Variants in SORCS2 observed in about 807,000 individuals in gnomAD.
The protein encoded by SORCS2 is sortilin related VPS10 domain containing receptor 2.
Under a neutral mutation model 141.6 loss-of-function variants are expected in SORCS2, and 100 were observed. That is an observed-to-expected ratio of 0.71 (90% CI 0.60 to 0.83). SORCS2 has a LOEUF of 0.83. SORCS2 is among the 40% of genes least tolerant of loss of function. The pLI, the probability that SORCS2 is intolerant of heterozygous loss-of-function variation, is 0.00. For missense variants in SORCS2, 1,646 were observed against 1,560.2 expected (o/e 1.05, Z -0.93); for synonymous variants, 789 against 676.9 (o/e 1.17, Z -2.57).
intron 3 of SORCS2, among the ~76,000 whole-genome samples, chr4:7,602,451 G>A (rs1257380321): frequency 6.6e-6 from 1 of 151,448 alleles, no homozygotes; most frequent in Non-Finnish European, 1.5e-5. Context: ...TCGCGGCCAG[G>A]CAGAGGCGCT....
At chr4:7,305,245 A>G (rs1007451313) in intron 1 of SORCS2, among the ~76,000 whole-genome samples, 1 of 151,592 alleles carries the variant, frequency 6.6e-6, no homozygotes, top group Non-Finnish European at 1.5e-5. Flanking sequence ...GTTAGCCAGG[A>G]TGGTCTCGAT....
chr4:7,411,473 A>G lies in SORCS2; in HGVS notation c.548+15118A>G, dbSNP rs181914484. ...CTTTCTTCCTTCCTTCCATTCCTCT[A>G]TCTTCTCTCCTCATTTCTATCCACC... is the stretch of plus-strand genomic sequence containing the variant. On this transcript the variant is annotated intron_variant, in intron 2 of 26. Coordinates refer to ENST00000507866, the MANE Select transcript of SORCS2 (RefSeq NM_020777.3). Among the ~76,000 whole-genome samples, 6 of 148,964 alleles carry G rather than the reference A, an allele frequency of 4.0e-5. No individual in the cohort carries two copies. In the East Asian group the frequency reaches 1.2e-3, roughly 30 times the overall value.
At chr4:7,578,411 G>C (rs1444120805) in intron 3 of SORCS2, among the ~76,000 whole-genome samples, 1 of 152,168 alleles carries the variant, frequency 6.6e-6, no homozygotes, top group Non-Finnish European at 1.5e-5. Context: ...CAAATGAAGG[G>C]ACTCTTGACC....
At chr4:7,436,471 C>G (rs935059051) in intron 2 of SORCS2, among the ~76,000 whole-genome samples, 4 of 152,204 alleles carry the variant, frequency 2.6e-5, no homozygotes, top group African/African-American at 7.2e-5. Flanking sequence ...TCTTGAGACC[C>G]CACCCCCACG....
chr4:7,461,202 A>C (rs983421156), intron 2 of SORCS2, among the ~76,000 whole-genome samples: 5 of 152,138 alleles, frequency 3.3e-5, no homozygotes, highest in Non-Finnish European at 4.4e-5. Context: ...CCTTAATAAA[A>C]TAATTACTGC....
intron 1 of SORCS2, among the ~76,000 whole-genome samples, chr4:7,307,202 C>T (rs968454370): frequency 2.6e-5 from 4 of 152,180 alleles, no homozygotes; most frequent in Non-Finnish European, 5.9e-5. Flanking sequence ...TCTCCCCAGG[C>T]GACGTTCAGA....
At chr4:7,426,966 C>T (rs1726485516) in intron 2 of SORCS2, among the ~76,000 whole-genome samples, 1 of 152,184 alleles carries the variant, frequency 6.6e-6, no homozygotes, top group Admixed American at 6.5e-5. Flanking sequence ...GGACAGGCTT[C>T]CTGGGGCAGC....
chr4:7,531,440 G>T, intron 2 of SORCS2, 90 bp from the exon 3 acceptor site: 6 of 1,268,626 alleles, frequency 4.7e-6, no homozygotes, highest in Non-Finnish European at 6.7e-6. Flanking sequence ...CGGCCCGCAC[G>T]GGCACAGGGC....
chr4:7,694,136 G>A (rs1724443589), intron 11 of SORCS2, among the ~76,000 whole-genome samples: 1 of 152,218 alleles, frequency 6.6e-6, no homozygotes, highest in African/African-American at 2.4e-5. Context: ...TGGCTGCAGG[G>A]GCAGAGGAAG....
intron 3 of SORCS2, among the ~76,000 whole-genome samples, chr4:7,630,479 A>G (rs1243147204): frequency 6.6e-6 from 1 of 152,226 alleles, no homozygotes; most frequent in Non-Finnish European, 1.5e-5. Context: ...GAAGGTGAGG[A>G]GAGGGACTTG....
At chr4:7,394,210 C>T (rs1724055856) in intron 1 of SORCS2, among the ~76,000 whole-genome samples, 1 of 152,188 alleles carries the variant, frequency 6.6e-6, no homozygotes, top group South Asian at 2.1e-4. Flanking sequence ...CCCGACTTCA[C>T]TGCATAAACG....
chr4:7,619,732 G>A (rs775566006), intron 3 of SORCS2, among the ~76,000 whole-genome samples: 2 of 152,170 alleles, frequency 1.3e-5, no homozygotes, highest in Non-Finnish European at 2.9e-5. Flanking sequence ...AAGGAGGCTC[G>A]GAGGCTCTGC....
At chr4:7,518,032 G>A (rs1255099566) in intron 2 of SORCS2, among the ~76,000 whole-genome samples, 2 of 152,212 alleles carry the variant, frequency 1.3e-5, no homozygotes, top group Non-Finnish European at 1.5e-5. Flanking sequence ...TGTGTGCCTT[G>A]TAACTGAAAT....
chr4:7,309,839 G>A (rs997842447), intron 1 of SORCS2, among the ~76,000 whole-genome samples: 1 of 152,194 alleles, frequency 6.6e-6, no homozygotes, highest in Non-Finnish European at 1.5e-5. Flanking sequence ...TACCCAGTGA[G>A]TGCTGTGGTC....
intron 3 of SORCS2, among the ~76,000 whole-genome samples, chr4:7,561,124 A>C (rs140435482): frequency 2.0e-5 from 3 of 152,154 alleles, no homozygotes; most frequent in African/African-American, 7.2e-5. Context: ...GGTGTCATTC[A>C]TCCCTGGGTG....
chr4:7,630,938 C>T (rs1350086447), intron 3 of SORCS2, among the ~76,000 whole-genome samples: 1 of 152,044 alleles, frequency 6.6e-6, no homozygotes, highest in Admixed American at 6.5e-5. Context: ...AAAGCATCCT[C>T]CCCAGGACAG....
intron 1 of SORCS2, among the ~76,000 whole-genome samples, chr4:7,310,208 A>G (rs2108919448): frequency 6.6e-6 from 1 of 152,238 alleles, no homozygotes; most frequent in East Asian, 1.9e-4. Flanking sequence ...TGGGCAGCAT[A>G]ACTGTGTCAT....
intron 1 of SORCS2, among the ~76,000 whole-genome samples, chr4:7,223,481 ATAAT>A (rs1728830810): frequency 6.6e-6 from 1 of 152,170 alleles, no homozygotes; most frequent in South Asian, 2.1e-4. Context: ...TACATTATAA[ATAAT>A]TATGCTGATG....
At chr4:7,601,083 G>A (rs760724261) in intron 3 of SORCS2, among the ~76,000 whole-genome samples, 2 of 152,068 alleles carry the variant, frequency 1.3e-5, no homozygotes, top group African/African-American at 2.4e-5. Flanking sequence ...ACAGGGTTTC[G>A]CCGTGTTTCC....
Sources: gnomAD v4.1 joint callset for allele counts (sites outside exome capture counted in the v4.1 genomes callset) on GRCh38, gnomAD v4.1.1 for gene constraint, MANE v1.5 for transcripts, NCBI Gene and HGNC (gene_info 2026-07-23, HGNC 2026-07-21) for gene names.